SORBS2: variants seen among roughly 807,000 people sequenced by gnomAD.
SORBS2 encodes sorbin and SH3 domain containing 2, also known as sorbin and SH3 domain-containing protein 2.
In SORBS2, 46 loss-of-function variants were observed where a neutral mutation model predicts 97.7. That is an observed-to-expected ratio of 0.47 (90% CI 0.37 to 0.60). The LOEUF is 0.60. SORBS2 is among the 20% of genes least tolerant of loss of function. The pLI, the probability that SORBS2 is intolerant of heterozygous loss-of-function variation, is 0.00. For synonymous variants in SORBS2, 476 were observed against 473.4 expected, an observed-to-expected ratio of 1.01 and a Z score of -0.07; for missense variants, 1,316 against 1,282.3, an observed-to-expected ratio of 1.03 and a Z score of -0.40.
At chr4:185,887,071 A>C (rs1324129963) in intron 1 of SORBS2, among the ~76,000 whole-genome samples, 1 of 152,218 alleles carries the variant, frequency 6.6e-6, no homozygotes, top group Admixed American at 6.5e-5. Context: ...TGAGTTGCAC[A>C]AACAGCCTGG....
At chr4:185,837,230 T>C (rs2099208581) in intron 1 of SORBS2, among the ~76,000 whole-genome samples, 1 of 151,794 alleles carries the variant, frequency 6.6e-6, no homozygotes, top group African/African-American at 2.4e-5. Flanking sequence ...ATCAAACAGA[T>C]CCTATCAACT....
chr4:185,730,309 T>C (rs1257684082), intron 2 of SORBS2, among the ~76,000 whole-genome samples: 2 of 114,518 alleles, frequency 1.7e-5, no homozygotes, highest in Non-Finnish European at 3.9e-5. Context: ...CAATATACTT[T>C]CTTTTTTTTT....
chr4:185,649,414 A>G (rs1385348134), intron 3 of SORBS2, 53 bp downstream of exon 12: 2 of 1,421,694 alleles, frequency 1.4e-6, no homozygotes, highest in East Asian at 2.5e-5. Context: ...TGCCATGTAG[A>G]CTTATTTTTA....
intron 2 of SORBS2, among the ~76,000 whole-genome samples, chr4:185,743,950 CCTT>C (rs1462543920): frequency 2.0e-5 from 3 of 147,600 alleles, no homozygotes; most frequent in South Asian, 2.2e-4. Context: ...TTCTCCTCCT[CCTT>C]CTTCTCCTTC....
At chr4:185,943,889 C>T (rs1281306288) in intron 1 of SORBS2, among the ~76,000 whole-genome samples, 1 of 152,158 alleles carries the variant, frequency 6.6e-6, no homozygotes, top group East Asian at 1.9e-4. Context: ...TTCTTCAAAA[C>T]ACATGCCCGT....
At chr4:185,868,827 T>C (rs1361758899) in intron 1 of SORBS2, among the ~76,000 whole-genome samples, 1 of 152,232 alleles carries the variant, frequency 6.6e-6, no homozygotes, top group African/African-American at 2.4e-5. Context: ...ATCCCTTGTC[T>C]CAGGCAGTGG....
intron 2 of SORBS2, among the ~76,000 whole-genome samples, chr4:185,760,878 A>G (rs2153610049): frequency 6.6e-6 from 1 of 152,366 alleles, no homozygotes; most frequent in East Asian, 1.9e-4. Context: ...CAGTGTCACC[A>G]ATCCTACTCG....
intron 1 of SORBS2, among the ~76,000 whole-genome samples, chr4:185,914,916 T>A (rs2099257247): frequency 6.6e-6 from 1 of 152,218 alleles, no homozygotes; most frequent in Non-Finnish European, 1.5e-5. Flanking sequence ...GGTCGTTTGA[T>A]CCCTGCTGGT....
intron 2 of SORBS2, among the ~76,000 whole-genome samples, chr4:185,762,187 C>T (rs370182299): frequency 1.8e-4 from 27 of 152,198 alleles, no homozygotes; most frequent in African/African-American, 5.3e-4. Context: ...AAGAAAAATT[C>T]GAATGCTTGT....
intron 2 of SORBS2, among the ~76,000 whole-genome samples, chr4:185,700,823 C>T (rs1029596407): frequency 1.3e-5 from 2 of 152,168 alleles, no homozygotes; most frequent in African/African-American, 4.8e-5. Context: ...GTTCTTACCC[C>T]CCACATATGT....
intron 1 of SORBS2, among the ~76,000 whole-genome samples, chr4:185,863,966 A>C (rs2099225378): frequency 6.6e-6 from 1 of 152,236 alleles, no homozygotes; most frequent in East Asian, 1.9e-4. Context: ...ACAGGAACAC[A>C]GATTATTATT....
At chr4:185,759,245 C>A (rs1049831933) in intron 2 of SORBS2, among the ~76,000 whole-genome samples, 1 of 152,178 alleles carries the variant, frequency 6.6e-6, no homozygotes, top group South Asian at 2.1e-4. Flanking sequence ...ATGGAGTAGG[C>A]GTTAAAAATG....
intron 2 of SORBS2, chr4:185,757,081 G>T: frequency 1.5e-6 from 1 of 653,886 alleles, no homozygotes; most frequent in Non-Finnish European, 2.9e-6. Context: ...CTTTGGGATG[G>T]TTTTCCTGTC....
At chr4:185,650,286 GC>G (rs1225962619) in intron 2 of SORBS2, among the ~76,000 whole-genome samples, 2 of 152,172 alleles carry the variant, frequency 1.3e-5, no homozygotes, top group African/African-American at 4.8e-5. Context: ...ATTAAAGGAT[GC>G]TAGTAGGTGG....
At chr4:185,833,534 T>C (rs1443155283) in intron 1 of SORBS2, among the ~76,000 whole-genome samples, 1 of 152,210 alleles carries the variant, frequency 6.6e-6, no homozygotes, top group Non-Finnish European at 1.5e-5. Flanking sequence ...ACTTTTTAAA[T>C]GGAATGGTTT....
At chr4:185,631,827 A>G (rs968294671) in intron 4 of SORBS2, among the ~76,000 whole-genome samples, 1 of 152,232 alleles carries the variant, frequency 6.6e-6, no homozygotes, top group Non-Finnish European at 1.5e-5. Flanking sequence ...AAGTATAAAG[A>G]AAGTATAGGG....
intron 1 of SORBS2, among the ~76,000 whole-genome samples, chr4:185,879,177 A>T (rs867111834): frequency 2.7e-5 from 1 of 37,636 alleles, no homozygotes; most frequent in East Asian, 4.7e-4. Context: ...CCCCCCCCCC[A>T]CCCCACGACA....
chr4:185,828,242 T>G (rs1417478267), intron 1 of SORBS2, among the ~76,000 whole-genome samples: 1 of 152,058 alleles, frequency 6.6e-6, no homozygotes, highest in Non-Finnish European at 1.5e-5. Flanking sequence ...GATAACACCT[T>G]CTAGTTGCCC....
At chr4:185,874,731 C>A (rs1337069022) in intron 1 of SORBS2, among the ~76,000 whole-genome samples, 1 of 151,380 alleles carries the variant, frequency 6.6e-6, no homozygotes, top group African/African-American at 2.4e-5. Flanking sequence ...CAGTTACTTG[C>A]TGACACTAAC....
Sources: gnomAD v4.1 joint callset for allele counts (sites outside exome capture counted in the v4.1 genomes callset) on GRCh38, gnomAD v4.1.1 for gene constraint, MANE v1.5 for transcripts, NCBI Gene and HGNC (gene_info 2026-07-23, HGNC 2026-07-21) for gene names.